Variants in PLCB1 observed in about 807,000 individuals in gnomAD.
PLCB1 encodes the protein 1-phosphatidylinositol 4,5-bisphosphate phosphodiesterase beta-1.
Under a neutral mutation model 161.8 loss-of-function variants are expected in PLCB1, and 46 were observed. The ratio of observed to expected loss-of-function variants is 0.28; its 90% confidence interval spans 0.22 to 0.36. The LOEUF (loss-of-function observed/expected upper bound fraction) is 0.36. Ranked by LOEUF, PLCB1 falls within the 10% of genes least tolerant of loss-of-function variation. The pLI is 1.00. For missense variants in PLCB1, 1,016 were observed against 1,472.5 expected (o/e 0.69, Z 5.07); for synonymous variants, 517 against 503.7 (o/e 1.03, Z -0.35).
chr20:8,802,054 A>AG (rs1491210277), intron 31 of PLCB1: 1 of 1,569,458 alleles, frequency 6.4e-7, no homozygotes. Flanking sequence ...TTTTCCACAC[A>AG]GGGGGAAGGT....
chr20:8,664,427 A>C (rs990402293), intron 9 of PLCB1, among the ~76,000 whole-genome samples: 8 of 152,258 alleles, frequency 5.3e-5, no homozygotes, highest in African/African-American at 1.7e-4. Context: ...ACCTAAGCCA[A>C]TAATGATTGT....
At chr20:8,827,978 C>T (rs1464891723) in intron 31 of PLCB1, among the ~76,000 whole-genome samples, 1 of 152,152 alleles carries the variant, frequency 6.6e-6, no homozygotes, top group East Asian at 1.9e-4. Context: ...CTCCCTGGCT[C>T]TTTAAGAAAA....
intron 4 of PLCB1, among the ~76,000 whole-genome samples, chr20:8,639,045 T>C (rs953914199): frequency 6.6e-6 from 1 of 152,106 alleles, no homozygotes; most frequent in Non-Finnish European, 1.5e-5. Context: ...GGGGTGGGCA[T>C]TGTGGGTGGT....
intron 3 of PLCB1, among the ~76,000 whole-genome samples, chr20:8,374,225 G>T (rs140355885): frequency 3.5e-4 from 53 of 152,090 alleles, no homozygotes; most frequent in Non-Finnish European, 5.7e-4. Context: ...GAGTTCTCAC[G>T]AGATCTGATG....
chr20:8,485,651 CT>C (rs1198725634), intron 3 of PLCB1, among the ~76,000 whole-genome samples: 1 of 152,200 alleles, frequency 6.6e-6, no homozygotes, highest in Non-Finnish European at 1.5e-5. Context: ...ATCTGGTGAA[CT>C]TGGGCATGAA....
chr20:8,224,927 T>C (rs1979604242), intron 2 of PLCB1, among the ~76,000 whole-genome samples: 1 of 152,216 alleles, frequency 6.6e-6, no homozygotes. Context: ...CAGCTCATTA[T>C]GCTTGTGGTA....
intron 2 of PLCB1, among the ~76,000 whole-genome samples, chr20:8,269,259 G>A (rs556269017): frequency 4.0e-5 from 6 of 151,446 alleles, no homozygotes; most frequent in South Asian, 2.1e-4. Context: ...GACAGGCCCC[G>A]GTCTGTGATG....
intron 3 of PLCB1, among the ~76,000 whole-genome samples, chr20:8,463,522 G>T (rs1330704655): frequency 1.3e-5 from 2 of 152,052 alleles, no homozygotes; most frequent in African/African-American, 4.8e-5. Context: ...GTATTCTTAT[G>T]AAACTTCATT....
At chr20:8,167,987 G>T (rs2051692424) in intron 2 of PLCB1, among the ~76,000 whole-genome samples, 1 of 152,122 alleles carries the variant, frequency 6.6e-6, no homozygotes, top group Non-Finnish European at 1.5e-5. Flanking sequence ...TGAGGCTTCA[G>T]CTAGGATGGC....
intron 12 of PLCB1, among the ~76,000 whole-genome samples, chr20:8,714,662 C>G (rs1979205289): frequency 6.6e-6 from 1 of 152,160 alleles, no homozygotes; most frequent in African/African-American, 2.4e-5. Flanking sequence ...GCCGCATAAG[C>G]CATTTAGTAA....
intron 11 of PLCB1, among the ~76,000 whole-genome samples, chr20:8,700,307 T>A (rs934880845): frequency 1.3e-5 from 2 of 152,254 alleles, no homozygotes; most frequent in Non-Finnish European, 2.9e-5. Context: ...CTTAATAATT[T>A]AAAATCCTCC....
chr20:8,736,964 CT>C, intron 19 of PLCB1, 63 bp from the exon 20 acceptor site: 2 of 1,274,270 alleles, frequency 1.6e-6, no homozygotes, highest in Non-Finnish European at 2.3e-6. Flanking sequence ...AAAGTATTCT[CT>C]TATGTCTTTG....
In PLCB1 at chr20:8,290,346, G is replaced by GT. The variant is rs573288590; in HGVS notation, c.178-81035dup. Among the ~76,000 whole-genome samples the GT allele has an allele frequency of 2.2e-4, 34 of 152,280 alleles. No individual in the cohort carries two copies. The East Asian group carries it at 4.6e-3, about 21-fold the overall frequency. On this transcript the variant is annotated intron_variant, in intron 2 of 31. Coordinates refer to ENST00000338037, the MANE Select transcript of PLCB1 (RefSeq NM_015192.4). ...CAGGAAACCTGCCAAGAATGGGAAA[G>GT]TGAGACAGGGAGAGGAGGAAGCCAA...
At chr20:8,410,034 T>C (rs1316048713) in intron 3 of PLCB1, among the ~76,000 whole-genome samples, 5 of 152,142 alleles carry the variant, frequency 3.3e-5, no homozygotes, top group Non-Finnish European at 7.4e-5. Context: ...AAAACTGTAA[T>C]TTTTTATAAA....
chr20:8,863,891 G>T (rs543526790), intron 31 of PLCB1, among the ~76,000 whole-genome samples: 168 of 152,188 alleles, frequency 1.1e-3, no homozygotes, highest in African/African-American at 4.0e-3. Flanking sequence ...ACTGAAAGAT[G>T]GTCATTCATA....
At chr20:8,509,733 GATAGATA>G (rs1171434616) in intron 3 of PLCB1, among the ~76,000 whole-genome samples, 82 of 3,910 alleles carry the variant, frequency 0.021, no homozygotes, top group Non-Finnish European at 0.038. Flanking sequence ...GCAGATCATA[GATAGATA>G]GATAGATAGA....
intron 31 of PLCB1, chr20:8,792,460 C>T (rs550054565): frequency 9.0e-6 from 4 of 446,684 alleles, no homozygotes; most frequent in African/African-American, 8.1e-5. Context: ...AGGTTACATA[C>T]AGTGTACGTT....
chr20:8,391,701 G>T (rs974612361), intron 3 of PLCB1, among the ~76,000 whole-genome samples: 1 of 147,758 alleles, frequency 6.8e-6, no homozygotes, highest in East Asian at 2.0e-4. Context: ...CTTCCCTATG[G>T]GCCTTAAGTT....
At chr20:8,424,382 C>T (rs11906829) in intron 3 of PLCB1, among the ~76,000 whole-genome samples, 8,794 of 152,238 alleles carry the variant, frequency 0.058, 773 homozygotes, top group African/African-American at 0.19. Flanking sequence ...ACACTATAAG[C>T]ATGTATTATT....
Sources: gnomAD v4.1 joint callset for allele counts (sites outside exome capture counted in the v4.1 genomes callset) on GRCh38, gnomAD v4.1.1 for gene constraint, MANE v1.5 for transcripts, NCBI Gene and HGNC (gene_info 2026-07-23, HGNC 2026-07-21) for gene names.